EBF1: variants seen among roughly 807,000 people sequenced by gnomAD.
EBF1 encodes the protein transcription factor COE1.
A neutral mutation model predicts 68.4 loss-of-function variants in EBF1; 10 were observed. The observed-to-expected ratio is 0.15, with a 90% CI of 0.09 to 0.25. EBF1 has a LOEUF of 0.25. Ranked by LOEUF, EBF1 falls within the 10% of genes least tolerant of loss-of-function variation. The pLI, the probability that EBF1 is intolerant of heterozygous loss-of-function variation, is 1.00. For synonymous variants in EBF1, 298 were observed against 299.8 expected (o/e 0.99, Z 0.06); for missense variants, 509 against 794.4 (o/e 0.64, Z 4.32).
intron 9 of EBF1, among the ~76,000 whole-genome samples, chr5:158,779,969 T>C (rs1776103717): frequency 6.6e-6 from 1 of 152,182 alleles, no homozygotes; most frequent in African/African-American, 2.4e-5. Flanking sequence ...CCTTCACAGA[T>C]GAGGTAGAAT....
In EBF1 at chr5:158,705,273, G is replaced by T. The variant is rs112021775; in HGVS notation, c.1744+2706C>A. Reference sequence around the variant, plus strand: ...TGAGACTACAGGTGTGAACCACCACGCCCAGTCCATTCTTTTTATAGTTGT... The same window carrying T: ...TGAGACTACAGGTGTGAACCACCACTCCCAGTCCATTCTTTTTATAGTTGT... On this transcript the variant is annotated intron_variant, in intron 15 of 15. Transcript: ENST00000313708. Among the ~76,000 whole-genome samples, 1,289 of 152,288 alleles carry T rather than the reference G, an allele frequency of 8.5e-3. 26 individuals are homozygous for T. Among genetic ancestry groups the T allele is most frequent in the African/African-American group, 0.029 (1,220 of 41,556 alleles).
chr5:159,066,678 T>C (rs1776862707), intron 6 of EBF1, among the ~76,000 whole-genome samples: 1 of 151,666 alleles, frequency 6.6e-6, no homozygotes, highest in Non-Finnish European at 1.5e-5. Context: ...TTAGCAGGAT[T>C]AGGGCAATTA....
chr5:159,096,534 G>T, intron 2 of EBF1, 128 bp from the exon 3 acceptor site: 1 of 1,021,824 alleles, frequency 9.8e-7, no homozygotes, highest in Non-Finnish European at 1.5e-6. Flanking sequence ...AGCCACGGTA[G>T]CAGCAGAAAT....
chr5:158,923,826 G>C (rs186440543), intron 6 of EBF1, among the ~76,000 whole-genome samples: 1 of 152,276 alleles, frequency 6.6e-6, no homozygotes, highest in East Asian at 1.9e-4. Flanking sequence ...TCGTGAACTA[G>C]TGATGGACCA....
At chr5:158,839,937 A>G (rs1197126737) in intron 7 of EBF1, 92 bp downstream of exon 7, 1 of 1,299,252 alleles carries the variant, frequency 7.7e-7, no homozygotes, top group Non-Finnish European at 1.1e-6. Flanking sequence ...ACCTCTGGGA[A>G]AAAAAGCTAC....
chr5:158,899,121 T>C (rs750685566), intron 6 of EBF1, among the ~76,000 whole-genome samples: 23 of 152,244 alleles, frequency 1.5e-4, no homozygotes, highest in Non-Finnish European at 2.4e-4. Context: ...GAAAATTACA[T>C]ATTAAACTAT....
chr5:159,096,088 A>G (rs1782556695), intron 3 of EBF1, among the ~76,000 whole-genome samples: 1 of 152,260 alleles, frequency 6.6e-6, no homozygotes, highest in African/African-American at 2.4e-5. Flanking sequence ...AAGGGGAGGA[A>G]GAATGAAAGT....
intron 10 of EBF1, among the ~76,000 whole-genome samples, chr5:158,743,691 G>A (rs563489193): frequency 6.6e-6 from 1 of 152,248 alleles, no homozygotes; most frequent in Admixed American, 6.5e-5. Context: ...CAGATGTAAG[G>A]CAATACGAAG....
At chr5:159,024,107 A>G (rs368391921) in intron 6 of EBF1, among the ~76,000 whole-genome samples, 1 of 152,132 alleles carries the variant, frequency 6.6e-6, no homozygotes, top group East Asian at 1.9e-4. Flanking sequence ...TAAAATCTCC[A>G]TGACTTGGGC....
intron 7 of EBF1, among the ~76,000 whole-genome samples, chr5:158,827,014 CCTGA>C (rs1786295721): frequency 6.6e-6 from 1 of 152,078 alleles, no homozygotes; most frequent in South Asian, 2.1e-4. Flanking sequence ...TCCCAGTGTC[CCTGA>C]CTCTCAATGG....
In EBF1 at chr5:158,699,071, T is replaced by G; in HGVS notation, c.*40A>C. Reference sequence around the variant, plus strand: ...TATCAGATTACTCTCTGTAGCAGAATCCAACCTCTTCATTAATACAATTCT... The same window carrying G: ...TATCAGATTACTCTCTGTAGCAGAAGCCAACCTCTTCATTAATACAATTCT... On this transcript the variant is annotated 3_prime_UTR_variant, in exon 16 of 16. Transcript: ENST00000313708. The G allele has an allele frequency of 6.3e-7, 1 of 1,582,736 alleles. No homozygotes were observed. The highest frequency in any genetic ancestry group is 8.6e-7 in the Non-Finnish European group (1 of 1,165,030).
intron 6 of EBF1, among the ~76,000 whole-genome samples, chr5:159,041,347 A>C: frequency 6.6e-6 from 1 of 152,222 alleles, no homozygotes; most frequent in East Asian, 1.9e-4. Context: ...TTTTTCATGA[A>C]GTAGAAATCT....
At chr5:159,057,398 G>A (rs1044532700) in intron 6 of EBF1, among the ~76,000 whole-genome samples, 7 of 152,116 alleles carry the variant, frequency 4.6e-5, no homozygotes, top group East Asian at 1.9e-4. Context: ...ATGAGCCACC[G>A]CGCCTGACGG....
intron 14 of EBF1, among the ~76,000 whole-genome samples, chr5:158,709,679 G>T (rs970367188): frequency 6.6e-6 from 1 of 152,180 alleles, no homozygotes; most frequent in Non-Finnish European, 1.5e-5. Flanking sequence ...AGAATGCAGA[G>T]CCACCATCCT....
At chr5:158,807,588 C>T (rs963433434) in intron 8 of EBF1, among the ~76,000 whole-genome samples, 3 of 152,160 alleles carry the variant, frequency 2.0e-5, no homozygotes, top group Admixed American at 1.3e-4. Flanking sequence ...CACTGTGCAA[C>T]TTATATAAAT....
At chr5:159,059,551 C>A (rs1775413745) in intron 6 of EBF1, among the ~76,000 whole-genome samples, 1 of 152,152 alleles carries the variant, frequency 6.6e-6, no homozygotes, top group South Asian at 2.1e-4. Context: ...TTCCAGTATG[C>A]ATTTGAGTAA....
At chr5:158,806,461 T>A (rs769105592) in intron 8 of EBF1, among the ~76,000 whole-genome samples, 6 of 152,088 alleles carry the variant, frequency 3.9e-5, no homozygotes, top group Non-Finnish European at 8.8e-5. Context: ...TTCCACAGGC[T>A]TCCTTCTCAC....
At chr5:158,952,150 G>A (rs975141053) in intron 6 of EBF1, among the ~76,000 whole-genome samples, 5 of 152,098 alleles carry the variant, frequency 3.3e-5, no homozygotes, top group Non-Finnish European at 5.9e-5. Flanking sequence ...AGGTGTTGCC[G>A]ATTAAACTAT....
chr5:158,743,426 G>A lies in EBF1; in HGVS notation c.1037-12269C>T, dbSNP rs536097893. The stretch of plus-strand genomic sequence containing the variant: ...AAGGTTAACCATAAGTAACAGTATT[G>A]GCCTTGGTGCCTTGCTAAGAGCAGG... On this transcript the variant is annotated intron_variant, in intron 10 of 15. Transcript: ENST00000313708. 2.0e-5 allele frequency among the ~76,000 whole-genome samples: 3 copies of A among 152,260 alleles called. No homozygotes were observed. In the East Asian group the frequency reaches 5.8e-4, roughly 29 times the overall value.
Sources: gnomAD v4.1 joint callset for allele counts (sites outside exome capture counted in the v4.1 genomes callset) on GRCh38, gnomAD v4.1.1 for gene constraint, MANE v1.5 for transcripts, NCBI Gene and HGNC (gene_info 2026-07-23, HGNC 2026-07-21) for gene names.